Variants in DERA observed in about 807,000 individuals in gnomAD.
DERA encodes deoxyribose-phosphate aldolase.
In DERA, 15 loss-of-function variants were observed where a neutral mutation model predicts 41.1. The observed-to-expected ratio is 0.37, with a 90% CI of 0.24 to 0.56. The LOEUF (loss-of-function observed/expected upper bound fraction) is 0.56. DERA is among the 20% of genes least tolerant of loss of function. The pLI, the probability that DERA is intolerant of heterozygous loss-of-function variation, is 0.81. For synonymous variants in DERA, 139 were observed against 137.4 expected, an observed-to-expected ratio of 1.01 and a Z score of -0.08; for missense variants, 396 against 403.4, an observed-to-expected ratio of 0.98 and a Z score of 0.16.
intron 5 of DERA, among the ~76,000 whole-genome samples, chr12:15,974,637 A>G (rs1384224915): frequency 2.6e-5 from 4 of 152,202 alleles, no homozygotes; most frequent in Non-Finnish European, 5.9e-5. Context: ...TAAAATTAAT[A>G]AGTATTTTGC....
rs1948967133 is a variant in DERA, at chr12:16,014,433, C to G, written c.638-18109C>G. On this transcript the variant is annotated intron_variant, in intron 6 of 8. Coordinates refer to ENST00000428559, the MANE Select transcript of DERA (RefSeq NM_015954.4). The surrounding 1 kb of genome is among the most constrained non-coding windows in gnomAD (Gnocchi z 5.4). ...AAAAGAAGCCAATGTACAGCTCAGG[C>G]CATTGCTTCAGAGAGTGTAAGCTCC... Among the ~76,000 whole-genome samples, 1 of 152,182 alleles carries G rather than the reference C, an allele frequency of 6.6e-6. No homozygotes were observed. The highest frequency in any genetic ancestry group is 2.1e-4 in the South Asian group (1 of 4,826).
intron 1 of DERA, among the ~76,000 whole-genome samples, chr12:15,923,017 CTTTTTTT>C (rs1208644862): frequency 0.024 from 2,469 of 104,410 alleles, 68 homozygotes; most frequent in African/African-American, 0.082. Flanking sequence ...TTTGTTTTTG[CTTTTTTT>C]TTTTTTTTTT....
chr12:15,978,265 A>G (rs556850931), intron 5 of DERA, among the ~76,000 whole-genome samples: 5 of 152,270 alleles, frequency 3.3e-5, no homozygotes, highest in African/African-American at 1.2e-4. Flanking sequence ...TGTGGTTTCT[A>G]TGGCTTGTGT....
chr12:15,964,924 A>C (rs1948612556), intron 5 of DERA, among the ~76,000 whole-genome samples: 1 of 152,238 alleles, frequency 6.6e-6, no homozygotes, highest in South Asian at 2.1e-4. Flanking sequence ...TGCAAAATGT[A>C]ATGACAGATC....
At chr12:15,942,020 G>A (rs970966320) in intron 1 of DERA, among the ~76,000 whole-genome samples, 3 of 152,064 alleles carry the variant, frequency 2.0e-5, no homozygotes, top group East Asian at 1.9e-4. Flanking sequence ...TTATATCAAC[G>A]TCTATTATTT....
intron 5 of DERA, among the ~76,000 whole-genome samples, chr12:15,977,486 C>T (rs1948705461): frequency 6.6e-6 from 1 of 152,148 alleles, no homozygotes; most frequent in Non-Finnish European, 1.5e-5. Context: ...GAATTTTGCT[C>T]TTATTGCCTA....
intron 5 of DERA, among the ~76,000 whole-genome samples, chr12:15,963,622 G>A (rs1948603801): frequency 6.6e-6 from 1 of 152,068 alleles, no homozygotes; most frequent in Non-Finnish European, 1.5e-5. Context: ...AGCTAGAAAA[G>A]TAAAATTCTC....
At position 16,010,903 on chromosome 12, in the gene DERA, G is replaced by GA. The variant is rs929397536; in HGVS notation, c.638-21631dup. 2.7e-5 allele frequency among the ~76,000 whole-genome samples: 4 copies of GA among 146,328 alleles called. No individual in the cohort carries two copies. Among genetic ancestry groups the GA allele is most frequent in the East Asian group, 1.9e-4 (1 of 5,156 alleles). On this transcript the variant is annotated intron_variant, in intron 6 of 8. Transcript: ENST00000428559. The surrounding 1 kb of genome is among the most constrained non-coding windows in gnomAD (Gnocchi z 5.5). ...CTCTACCCACTTATCATCAATTGTT[G>GA]AAAAAAAAGATTTATGATGACATTG...
Position 16,019,091 on chromosome 12 carries a change from A to G in DERA, c.638-13451A>G, listed in dbSNP as rs554025522. 6.6e-5 allele frequency among the ~76,000 whole-genome samples: 10 copies of G among 152,318 alleles called. No homozygotes were observed. The highest frequency in any genetic ancestry group is 2.4e-4 in the African/African-American group (10 of 41,570). On this transcript the variant is annotated intron_variant, in intron 6 of 8. Transcript: ENST00000428559. This position sits in a 1 kb window ranked among gnomAD's most constrained non-coding sequence, Gnocchi z 4.4. ...GTGTGGTGTTGGTAATTCAAAATGTAGCATTTATTTCTCTAAAGTAATTTC... is the reference window on the plus strand; with the variant it reads ...GTGTGGTGTTGGTAATTCAAAATGTGGCATTTATTTCTCTAAAGTAATTTC...
intron 5 of DERA, among the ~76,000 whole-genome samples, chr12:15,964,551 A>G (rs1948610238): frequency 6.6e-6 from 1 of 152,222 alleles, no homozygotes; most frequent in African/African-American, 2.4e-5. Context: ...CTGTTCCTAT[A>G]TATTAATTTT....
chr12:15,932,847 G>T lies in DERA; in HGVS notation c.31+21433G>T, dbSNP rs185233927. On this transcript the variant is annotated intron_variant, in intron 1 of 8. Transcript: ENST00000428559. ...GTACCCTTTGACCAACATCTCCCCAGTCGTCTCTCTCCAGCCTCTGGTAAC... is the reference window on the plus strand; with the variant it reads ...GTACCCTTTGACCAACATCTCCCCATTCGTCTCTCTCCAGCCTCTGGTAAC... Among the ~76,000 whole-genome samples, 27 of 151,790 alleles carry T rather than the reference G, an allele frequency of 1.8e-4. No homozygotes were observed. The East Asian group carries it at 5.2e-3, about 29-fold the overall frequency.
intron 6 of DERA, among the ~76,000 whole-genome samples, chr12:16,029,319 A>T (rs1304432646): frequency 6.6e-6 from 1 of 151,938 alleles, no homozygotes; most frequent in African/African-American, 2.4e-5. Flanking sequence ...GCTACTCGGG[A>T]GGCTGAGGCA....
In DERA at chr12:16,036,495, C is replaced by A; in HGVS notation, c.900+114C>A. The A allele has an allele frequency of 2.4e-6, 3 of 1,265,868 alleles. No individual in the cohort carries two copies. Among genetic ancestry groups the A allele is most frequent in the Non-Finnish European group, 3.3e-6 (3 of 917,704 alleles). The allele number at this position is 1,265,868 out of a possible 1,614,324, so 78.4% of individuals were successfully genotyped here. A position where few individuals can be genotyped will look rare whatever the true frequency, so the allele number is the denominator to read the frequency against. On this transcript the variant is annotated intron_variant, in intron 8 of 8. Coordinates refer to ENST00000428559, the MANE Select transcript of DERA (RefSeq NM_015954.4). This position sits in a 1 kb window ranked among gnomAD's most constrained non-coding sequence, Gnocchi z 4.9. ...ACTCATCTGATTGACCTCATCCTAC[C>A]CAATCCTCTACCTTTTCTTCCAAGC...
rs1015334663 is a variant in DERA, at chr12:16,001,665, T to A, written c.637+19229T>A. 6.6e-6 allele frequency among the ~76,000 whole-genome samples: 1 copy of A among 152,182 alleles called. No homozygotes were observed. Among genetic ancestry groups the A allele is most frequent in the Non-Finnish European group, 1.5e-5 (1 of 68,040 alleles). On this transcript the variant is annotated intron_variant, in intron 6 of 8. Coordinates refer to ENST00000428559, the MANE Select transcript of DERA (RefSeq NM_015954.4). This position sits in a 1 kb window ranked among gnomAD's most constrained non-coding sequence, Gnocchi z 4.1. ...AGTAGTAACAGGCTTAGTAGAGTAG[T>A]TGGAATAAAATTACAACTGAGGAAG...
In DERA at chr12:15,938,986, C is replaced by T. The variant is rs976408708; in HGVS notation, c.32-17950C>T. Among the ~76,000 whole-genome samples the T allele has an allele frequency of 1.3e-5, 2 of 152,134 alleles. No homozygotes were observed. Among genetic ancestry groups the T allele is most frequent in the African/African-American group, 4.8e-5 (2 of 41,414 alleles). On this transcript the variant is annotated intron_variant, in intron 1 of 8. Coordinates refer to ENST00000428559, the MANE Select transcript of DERA (RefSeq NM_015954.4). This position sits in a 1 kb window ranked among gnomAD's most constrained non-coding sequence, Gnocchi z 4.1. ...ATTGATGCCTTTGTGTAGTCCTGTA[C>T]TGCATTAATTCTGGGCTGACCCTGT... is the stretch of plus-strand genomic sequence containing the variant.
Position 15,954,751 on chromosome 12 carries a change from C to T in DERA, c.32-2185C>T, listed in dbSNP as rs115248664. On this transcript the variant is annotated intron_variant, in intron 1 of 8. Transcript: ENST00000428559. This position sits in a 1 kb window ranked among gnomAD's most constrained non-coding sequence, Gnocchi z 4.0. ...ACAGTGGTGCCAGTGTTTCCAGTGG[C>T]GACAGTAGTGGTAGTGGTGCGTTGG... Among the ~76,000 whole-genome samples the T allele has an allele frequency of 5.8e-4, 89 of 152,168 alleles. No individual in the cohort carries two copies. Among genetic ancestry groups the T allele is most frequent in the African/African-American group, 2.1e-3 (88 of 41,544 alleles).
Position 16,020,984 on chromosome 12 carries a change from T to C in DERA, c.638-11558T>C, listed in dbSNP as rs1380886885. On this transcript the variant is annotated intron_variant, in intron 6 of 8. Transcript: ENST00000428559. The surrounding 1 kb of genome is among the most constrained non-coding windows in gnomAD (Gnocchi z 5.5). ...AGGAATTACTTAATGTGAGAACTTA[T>C]ATTTAAATGGGAAGCAGAGTATAAA... Among the ~76,000 whole-genome samples, 1 of 152,212 alleles carries C rather than the reference T, an allele frequency of 6.6e-6. No homozygotes were observed. Among genetic ancestry groups the C allele is most frequent in the African/African-American group, 2.4e-5 (1 of 41,456 alleles).
At chr12:15,980,291 G>A (rs1948724272) in intron 5 of DERA, among the ~76,000 whole-genome samples, 1 of 152,186 alleles carries the variant, frequency 6.6e-6, no homozygotes, top group Non-Finnish European at 1.5e-5. Flanking sequence ...GGTCCCACAG[G>A]AAATGATGGA....
rs1396722126 is a variant in DERA at position 15,983,471 on chromosome 12, C to T, written c.637+1035C>T. Among the ~76,000 whole-genome samples the T allele has an allele frequency of 1.3e-5, 2 of 152,178 alleles. No homozygotes were observed. Among genetic ancestry groups the T allele is most frequent in the African/African-American group, 4.8e-5 (2 of 41,444 alleles). ...AATGCCTTTTGCCCAAATAACTCCA[C>T]ATCTTGGGGTTCAGCACAGGTACCA... On this transcript the variant is annotated intron_variant, in intron 6 of 8. Coordinates refer to ENST00000428559, the MANE Select transcript of DERA (RefSeq NM_015954.4). This position sits in a 1 kb window ranked among gnomAD's most constrained non-coding sequence, Gnocchi z 6.2.
Sources: gnomAD v4.1 joint callset for allele counts (sites outside exome capture counted in the v4.1 genomes callset) on GRCh38, gnomAD v4.1.1 for gene constraint, Gnocchi (gnomAD v3.1) non-coding constraint, MANE v1.5 for transcripts, NCBI Gene and HGNC (gene_info 2026-07-23, HGNC 2026-07-21) for gene names.